C18orf54: variants seen among roughly 807,000 people sequenced by gnomAD.
The protein encoded by C18orf54 is lung adenoma susceptibility protein 2.
C18orf54 carries 49 observed loss-of-function variants against 49.3 expected under a neutral mutation model. The ratio of observed to expected loss-of-function variants is 0.99; its 90% CI spans 0.79 to 1.26. The LOEUF is 1.26. C18orf54 is among the 50% of genes most tolerant of loss of function. The pLI, the probability that C18orf54 is intolerant of heterozygous loss-of-function variation, is 0.00. For missense variants in C18orf54, 687 were observed against 620.6 expected (o/e 1.11, Z -1.14); for synonymous variants, 211 against 216.6 (o/e 0.97, Z 0.23).
At chr18:54,364,107 C>T (rs1260417842) in intron 5 of C18orf54, 1 of 145,374 alleles carries the variant, frequency 6.9e-6, no homozygotes, top group Admixed American at 7.1e-5. Flanking sequence ...TTCATTTCTC[C>T]TTATATATTT....
chr18:54,376,424 C>G (rs2089571091), intron 8 of C18orf54, among the ~76,000 whole-genome samples: 1 of 152,146 alleles, frequency 6.6e-6, no homozygotes, highest in South Asian at 2.1e-4. Context: ...GTCTCAAACT[C>G]CTGACCTCAG....
intron 2 of C18orf54, among the ~76,000 whole-genome samples, chr18:54,359,842 G>A (rs538395254): frequency 6.6e-6 from 1 of 152,228 alleles, no homozygotes; most frequent in East Asian, 1.9e-4. Context: ...CATTATTTAA[G>A]CTTCCTTTGA....
intron 8 of C18orf54, among the ~76,000 whole-genome samples, chr18:54,377,627 T>C (rs957863656): frequency 6.6e-6 from 1 of 152,204 alleles, no homozygotes; most frequent in East Asian, 1.9e-4. Flanking sequence ...GTTGTTGGTA[T>C]AACAACACAT....
At position 54,361,883 on chromosome 18, in the gene C18orf54, C is replaced by T; in HGVS notation, c.524C>T (p.Thr175Ile). Reference sequence around the variant, plus strand: ...AATCCACATTTTCAAGGACCCTACACTTCCATGGGCAAGGATAACTTTGTT... The same window carrying T: ...AATCCACATTTTCAAGGACCCTACATTTCCATGGGCAAGGATAACTTTGTT... ...EKNPHFQGPY[T>I]SMGKDNFVTP... is the part of the protein sequence containing the mutation. The change falls in exon 4 of 9, where the codon ACT becomes ATT. Residue 175 changes from threonine to isoleucine, a missense_variant. Transcript: ENST00000620105. The T allele has an allele frequency of 6.2e-7, 1 of 1,614,126 alleles. No individual in the cohort carries two copies.
Position 54,361,943 on chromosome 18 carries a change from A to G in C18orf54, c.584A>G (p.Gln195Arg), listed in dbSNP as rs2089279824. ...PVIRSNINGK[Q>R]CGRLKNPKLM... ...ATACGCTCAAATATAAATGGAAAGC[A>G]ATGTGGTAGGCTGAAAAACCCAAAA... is the stretch of plus-strand genomic sequence containing the variant. Residue 195 changes from glutamine to arginine, a missense_variant, in exon 4 of 9, where the codon CAA becomes CGA. Physicochemically the swap from Gln to Arg is conservative, Grantham distance 43. Transcript: ENST00000620105. 2 of 1,614,022 alleles carry G rather than the reference A, an allele frequency of 1.2e-6. No homozygotes were observed. Among genetic ancestry groups the G allele is most frequent in the Non-Finnish European group, 1.7e-6 (2 of 1,180,002 alleles).
chr18:54,367,796 CT>C (rs1468372979), intron 6 of C18orf54, among the ~76,000 whole-genome samples: 4 of 151,996 alleles, frequency 2.6e-5, no homozygotes, highest in Non-Finnish European at 5.9e-5. Flanking sequence ...TTTTCTGTGC[CT>C]TTTGCCTTCT....
intron 6 of C18orf54, among the ~76,000 whole-genome samples, chr18:54,370,635 G>A (rs2144742887): frequency 6.6e-6 from 1 of 152,300 alleles, no homozygotes; most frequent in South Asian, 2.1e-4. Context: ...AGGTTTCAAT[G>A]ACAAGTCTCA....
At chr18:54,366,565 C>G (rs574891493) in intron 6 of C18orf54, among the ~76,000 whole-genome samples, 1 of 152,092 alleles carries the variant, frequency 6.6e-6, no homozygotes, top group Non-Finnish European at 1.5e-5. Context: ...TATATCTTGA[C>G]TATTGTGAAT....
chr18:54,372,685 T>A, intron 7 of C18orf54, 88 bp downstream of exon 7: 1 of 1,266,204 alleles, frequency 7.9e-7, no homozygotes, highest in Non-Finnish European at 1.1e-6. Flanking sequence ...ACTTATAGTT[T>A]TATGTTAGTA....
chr18:54,362,493 C>T, intron 4 of C18orf54, 62 bp downstream of exon 4: 2 of 1,329,642 alleles, frequency 1.5e-6, no homozygotes, highest in East Asian at 2.6e-5. Context: ...AAAAGAAGTG[C>T]TGTAAAGTTG....
At chr18:54,377,987 A>G (rs1016860077) in intron 8 of C18orf54, among the ~76,000 whole-genome samples, 187 bp from the exon 9 acceptor site, 5 of 152,218 alleles carry the variant, frequency 3.3e-5, no homozygotes, top group African/African-American at 9.6e-5. Flanking sequence ...CTTTAGATAA[A>G]TTATTTTAAC....
Position 54,362,024 on chromosome 18 carries a change from A to T in C18orf54, c.665A>T (p.Lys222Ile). The part of the protein sequence containing the change: ...ISESSLSFPK[K>I]SSFKDSSEHS... Reference sequence around the variant, plus strand: ...GAATCATCTTTGTCTTTTCCCAAGAAATCGTCTTTCAAGGACAGTTCAGAA... The same window carrying T: ...GAATCATCTTTGTCTTTTCCCAAGATATCGTCTTTCAAGGACAGTTCAGAA... The change falls in exon 4 of 9, where the codon AAA becomes ATA. Residue 222 changes from lysine (K) to isoleucine (I), a missense_variant. By Grantham distance (102) the Lys-to-Ile change is moderately radical. Transcript: ENST00000620105. 2 of 1,596,442 alleles carry T rather than the reference A, an allele frequency of 1.3e-6. No homozygotes were observed. Among genetic ancestry groups the T allele is most frequent in the East Asian group, 4.5e-5 (2 of 44,092 alleles).
rs912672807 is a variant in C18orf54, at chr18:54,380,694, ATTGT to A, written c.*2451_*2454del. ...AAATTTATAATTGTAGGTTTTTTGT[ATTGT>A]TTTAGTATTTAATGGTGTATAATGT... On this transcript the variant is annotated 3_prime_UTR_variant, in exon 9 of 9. Transcript: ENST00000620105. 3.3e-5 allele frequency: 5 copies of A among 152,014 alleles called. No individual in the cohort carries two copies. Among genetic ancestry groups the A allele is most frequent in the African/African-American group, 7.2e-5 (3 of 41,406 alleles). The allele number at this position is 152,014 out of a possible 1,614,324, so 9.4% of individuals were successfully genotyped here. A position where few individuals can be genotyped will look rare whatever the true frequency, so the allele number is the denominator to read the frequency against.
At position 54,364,561 on chromosome 18, in the gene C18orf54, T is replaced by A. The variant is rs945248207; in HGVS notation, c.1224-1158T>A. Among the ~76,000 whole-genome samples, 16 of 152,134 alleles carry A rather than the reference T, an allele frequency of 1.1e-4. No individual in the cohort carries two copies. The South Asian group carries it at 3.1e-3, about 30-fold the overall frequency. ...TATCAACCTGTCATCAAAAACAAAATTGAATAGGAAGTACTCAAGGTAGTA... is the reference window on the plus strand; with the variant it reads ...TATCAACCTGTCATCAAAAACAAAAATGAATAGGAAGTACTCAAGGTAGTA... On this transcript the variant is annotated intron_variant, in intron 5 of 8. Coordinates refer to ENST00000620105, the MANE Select transcript of C18orf54 (RefSeq NM_001288980.2).
rs753280764 is a variant in C18orf54 at position 54,372,569 on chromosome 18, C to T, written c.1430C>T (p.Thr477Ile). The T allele has an allele frequency of 1.9e-6, 3 of 1,606,642 alleles. No homozygotes were observed. In the African/African-American group the frequency reaches 4.0e-5, roughly 22 times the overall value. Residue 477 changes from threonine to isoleucine, a missense_variant, in exon 7 of 9, where the codon ACC becomes ATC. Thr to Ile is a moderately conservative substitution (Grantham distance 89, BLOSUM62 -1). Transcript: ENST00000620105. ...CAAGAACGTTTTAATCAAAATAAGA[C>T]CACAGATCCAAAAGAAGAGATTAAA... ...AVQERFNQNK[T>I]TDPKEEIKQV...
chr18:54,372,179 C>T (rs538701982), intron 6 of C18orf54, among the ~76,000 whole-genome samples: 3 of 151,928 alleles, frequency 2.0e-5, no homozygotes, highest in Admixed American at 6.6e-5. Context: ...TTTAAATGTG[C>T]GAAATTAATT....
At chr18:54,377,881 A>G (rs938385814) in intron 8 of C18orf54, among the ~76,000 whole-genome samples, 3 of 152,218 alleles carry the variant, frequency 2.0e-5, no homozygotes, top group African/African-American at 7.2e-5. Context: ...GTGTGATACA[A>G]CTGATACCTA....
chr18:54,363,064 A>AT, intron 5 of C18orf54, 143 bp downstream of exon 5: 1 of 780,634 alleles, frequency 1.3e-6, no homozygotes, highest in Non-Finnish European at 1.9e-6. Flanking sequence ...TTTAAATTGC[A>AT]TTTTTCATTT....
Position 54,379,868 on chromosome 18 carries a change from A to G in C18orf54, c.*1622A>G, listed in dbSNP as rs960383451. 6.6e-6 allele frequency: 1 copy of G among 152,056 alleles called. No individual in the cohort carries two copies. The highest frequency in any genetic ancestry group is 1.5e-5 in the Non-Finnish European group (1 of 67,916). The allele number at this position is 152,056 out of a possible 1,614,324, so 9.4% of individuals were successfully genotyped here. ...TATATGTTGATCATACATAATATAT[A>G]CTATGCCTGGAAATTATGACTGAAA... On this transcript the variant is annotated 3_prime_UTR_variant, in exon 9 of 9. Transcript: ENST00000620105.
Sources: allele counts gnomAD v4.1 joint callset (sites outside exome capture counted in the v4.1 genomes callset), GRCh38; gene constraint gnomAD v4.1.1; transcripts MANE v1.5; gene names NCBI Gene and HGNC (gene_info 2026-07-23, HGNC 2026-07-21).